Variants in FLNB observed in about 807,000 individuals in gnomAD.
The protein encoded by FLNB is filamin-B.
In FLNB, 111 loss-of-function variants were observed where a neutral mutation model predicts 250.6. The ratio of observed to expected loss-of-function variants is 0.44; its 90% CI spans 0.38 to 0.52. FLNB has a LOEUF of 0.52. Among genes scored for constraint, FLNB ranks in the 20% least tolerant of loss-of-function variants. FLNB has a pLI of 0.00. For missense variants in FLNB, 2,869 were observed against 3,447.8 expected (o/e 0.83, Z 4.20); for synonymous variants, 1,302 against 1,372.1 (o/e 0.95, Z 1.13).
At chr3:58,071,111 T>A (rs2106924194) in intron 1 of FLNB, among the ~76,000 whole-genome samples, 1 of 151,470 alleles carries the variant, frequency 6.6e-6, no homozygotes, top group African/African-American at 2.4e-5. Flanking sequence ...CCACTACACC[T>A]GACTAATTTT....
intron 43 of FLNB, among the ~76,000 whole-genome samples, chr3:58,166,401 G>A (rs1394068157): frequency 1.3e-5 from 2 of 151,818 alleles, no homozygotes; most frequent in Non-Finnish European, 1.5e-5. Flanking sequence ...ACCAGCCTGG[G>A]TGACATAGTA....
chr3:58,096,585 T>C (rs1460245688), intron 6 of FLNB, among the ~76,000 whole-genome samples: 1 of 152,146 alleles, frequency 6.6e-6, no homozygotes, highest in Non-Finnish European at 1.5e-5. Flanking sequence ...CTCAGCTCAC[T>C]GCAACCCCCG....
intron 1 of FLNB, among the ~76,000 whole-genome samples, chr3:58,060,895 C>T (rs13067408): frequency 6.6e-6 from 1 of 151,738 alleles, no homozygotes; most frequent in African/African-American, 2.4e-5. Context: ...ATCGACTCCT[C>T]TGGCAAGCTG....
At chr3:58,138,668 T>C in intron 29 of FLNB, 139 bp downstream of exon 29, 1 of 1,020,862 alleles carries the variant, frequency 9.8e-7, no homozygotes, top group East Asian at 2.4e-5. Flanking sequence ...CATGACCTTG[T>C]AGAGTCCCAG....
At position 58,145,931 on chromosome 3, in the gene FLNB, C is replaced by T. The variant is rs758701760; in HGVS notation, c.5436C>T (p.Leu1812=). ...YMGSHIPESP[L]QFYVNYPNSG... ...CCTTCGTAAACCCAGAGAGCCCACTCCAGTTCTACGTGAACTACCCCAACA... is the reference window on the plus strand; with the variant it reads ...CCTTCGTAAACCCAGAGAGCCCACTTCAGTTCTACGTGAACTACCCCAACA... The change falls in exon 33 of 46, where the codon CTC becomes CTT. Residue 1812 remains leucine, a synonymous_variant. Transcript: ENST00000295956. 3 of 1,614,212 alleles carry T rather than the reference C, an allele frequency of 1.9e-6. No individual in the cohort carries two copies. Among genetic ancestry groups the T allele is most frequent in the Non-Finnish European group, 1.7e-6 (2 of 1,180,040 alleles).
chr3:58,131,183 C>T (rs1406947130), intron 25 of FLNB, among the ~76,000 whole-genome samples: 1 of 151,984 alleles, frequency 6.6e-6, no homozygotes. Context: ...AATATGGTGG[C>T]GACTGTTTCA....
chr3:58,054,791 G>T (rs2097167729), intron 1 of FLNB, among the ~76,000 whole-genome samples: 1 of 152,196 alleles, frequency 6.6e-6, no homozygotes. Flanking sequence ...CAGTGGTGCT[G>T]TGGTGTGTAG....
Position 58,159,551 on chromosome 3 carries a change from C to T in FLNB, c.6889-3C>T, listed in dbSNP as rs1262879449. On this transcript the variant is annotated splice_polypyrimidine_tract_variant and splice_region_variant and intron_variant, in intron 41 of 45. Transcript: ENST00000295956. ...TAACCTGTCTGATGTATTAAATTCT[C>T]AGGAATCGGGATTAAAAGTTAACCA... The T allele has an allele frequency of 3.1e-6, 5 of 1,614,076 alleles. No homozygotes were observed. In the Admixed American group the frequency reaches 8.3e-5, roughly 27 times the overall value.
At chr3:58,054,601 A>G (rs1304618765) in intron 1 of FLNB, among the ~76,000 whole-genome samples, 1 of 152,148 alleles carries the variant, frequency 6.6e-6, no homozygotes, top group Non-Finnish European at 1.5e-5. Flanking sequence ...GAAGAGGGGG[A>G]AAAGCCCCTT....
chr3:58,058,046 C>T (rs1032499866), intron 1 of FLNB, among the ~76,000 whole-genome samples: 24 of 152,138 alleles, frequency 1.6e-4, no homozygotes, highest in Non-Finnish European at 7.3e-5. Flanking sequence ...GCCTTGGCCT[C>T]CTAAAGTGCT....
At chr3:58,062,210 G>A (rs962422658) in intron 1 of FLNB, among the ~76,000 whole-genome samples, 1 of 152,202 alleles carries the variant, frequency 6.6e-6, no homozygotes, top group African/African-American at 2.4e-5. Context: ...ACAGTTTGGT[G>A]TTTATGCTTC....
Position 58,100,373 on chromosome 3 carries a change from A to AAAAAAAATATATATATATATATATAT in FLNB, c.1345+1466_1345+1467insAAAAAATATATATATATATATATATA. On this transcript the variant is annotated intron_variant, in intron 8 of 45. Coordinates refer to ENST00000295956, the MANE Select transcript of FLNB (RefSeq NM_001457.4). ...AATGATTTTACATATGTAAAAAAAA[A>AAAAAAAATATATATATATATATATAT]ATATATATATATTTGCAGGGGCGCG... 2.4e-3 allele frequency among the ~76,000 whole-genome samples: 249 copies of AAAAAAAATATATATATATATATATAT among 104,314 alleles called. 2 individuals carry two copies. Among genetic ancestry groups the AAAAAAAATATATATATATATATATAT allele is most frequent in the East Asian group, 7.5e-3 (22 of 2,952 alleles). 68.4% of individuals were successfully genotyped at this position (104,314 alleles called of 152,430 possible). A position where few individuals can be genotyped will look rare whatever the true frequency, so the allele number is the denominator to read the frequency against.
At position 58,142,817 on chromosome 3, in the gene FLNB, T is replaced by TG; in HGVS notation, c.5284+69dup. The TG allele has an allele frequency of 7.2e-7, 1 of 1,395,412 alleles. No individual in the cohort carries two copies. The highest frequency in any genetic ancestry group is 1.4e-5 in the African/African-American group (1 of 70,788). The allele number at this position is 1,395,412 out of a possible 1,614,324, so 86.4% of individuals were successfully genotyped here. On this transcript the variant is annotated intron_variant, in intron 31 of 45. Coordinates refer to ENST00000295956, the MANE Select transcript of FLNB (RefSeq NM_001457.4). The surrounding 1 kb of genome is among the most constrained non-coding windows in gnomAD (Gnocchi z 4.3). Reference sequence around the variant, plus strand: ...TCTCACGAGCTTCCCAGAATGGTGCTGGGGAGGTGTGTCCACTGTCCCCCA... The same window carrying TG: ...TCTCACGAGCTTCCCAGAATGGTGCTGGGGGAGGTGTGTCCACTGTCCCCCA...
chr3:58,141,632 G>C (rs1419216481), intron 29 of FLNB, among the ~76,000 whole-genome samples: 1 of 152,226 alleles, frequency 6.6e-6, no homozygotes, highest in Non-Finnish European at 1.5e-5. Context: ...GCTTAGGTCT[G>C]CGTGCTACAA....
rs570161541 is a variant in FLNB, at chr3:58,069,061, T to A, written c.293-7985T>A. On this transcript the variant is annotated intron_variant, in intron 1 of 45. Transcript: ENST00000295956. ...AGGAGGCTGAGGTGGAAGGATCGCT[T>A]GAGCCCAGGAGGCGGATGTTGCAGT... is the stretch of plus-strand genomic sequence containing the variant. Among the ~76,000 whole-genome samples the A allele has an allele frequency of 2.6e-5, 4 of 151,640 alleles. No individual in the cohort carries two copies. In the East Asian group the frequency reaches 7.8e-4, roughly 30 times the overall value.
intron 41 of FLNB, 115 bp from the exon 42 acceptor site, chr3:58,159,439 T>C (rs2097358052): frequency 1.9e-6 from 2 of 1,054,300 alleles, no homozygotes; most frequent in South Asian, 1.3e-5. Flanking sequence ...TCATATGTTA[T>C]ATAGAAAAAC....
chr3:58,017,446 T>G (rs1032373656), intron 1 of FLNB, among the ~76,000 whole-genome samples: 25 of 152,076 alleles, frequency 1.6e-4, no homozygotes, highest in African/African-American at 4.6e-4. Flanking sequence ...AGAGATGAGG[T>G]TTCTCCATGT....
At chr3:58,020,986 G>T (rs1041390055) in intron 1 of FLNB, among the ~76,000 whole-genome samples, 1 of 152,208 alleles carries the variant, frequency 6.6e-6, no homozygotes, top group Middle Eastern at 3.4e-3. Context: ...GGGCAGGAAA[G>T]GTTTCTTGGT....
intron 33 of FLNB, 55 bp from the exon 34 acceptor site, chr3:58,146,765 T>C: frequency 1.2e-6 from 2 of 1,601,336 alleles, no homozygotes; most frequent in Admixed American, 3.3e-5. Context: ...AAGGAAACTC[T>C]TAAAACAAGG....
Sources: allele counts gnomAD v4.1 joint callset (sites outside exome capture counted in the v4.1 genomes callset), GRCh38; gene constraint gnomAD v4.1.1; non-coding constraint Gnocchi (gnomAD v3.1); transcripts MANE v1.5; gene names NCBI Gene and HGNC (gene_info 2026-07-23, HGNC 2026-07-21).